The following PDE4D variants were observed in gnomAD, a reference collection of about 807,000 sequenced individuals.
PDE4D encodes the protein 3',5'-cyclic-AMP phosphodiesterase 4D.
A neutral mutation model predicts 87.4 loss-of-function variants in PDE4D; 24 were observed. The observed-to-expected ratio is 0.27, with a 90% CI of 0.20 to 0.39. The LOEUF (loss-of-function observed/expected upper bound fraction) is 0.39, where lower values mean the gene tolerates loss of function less well. Ranked by LOEUF, PDE4D falls within the 10% of genes least tolerant of loss-of-function variation. PDE4D has a pLI of 1.00. For synonymous variants in PDE4D, 384 were observed against 383.2 expected (o/e 1.00, Z -0.02); for missense variants, 714 against 1,041.0 (o/e 0.69, Z 4.32).
At chr5:59,262,673 G>C (rs542425067) in intron 1 of PDE4D, among the ~76,000 whole-genome samples, 1 of 151,910 alleles carries the variant, frequency 6.6e-6, no homozygotes, top group South Asian at 2.1e-4. Context: ...TGTGACAACT[G>C]TGTGGGGTTT....
At chr5:59,752,684 G>A (rs1446719456) in intron 1 of PDE4D, among the ~76,000 whole-genome samples, 1 of 152,100 alleles carries the variant, frequency 6.6e-6, no homozygotes, top group Non-Finnish European at 1.5e-5. Flanking sequence ...GTGGGCAGTG[G>A]CCAGGGATGT....
chr5:59,928,421 T>C (rs1168983031), intron 3 of PDE4D, among the ~76,000 whole-genome samples: 1 of 151,642 alleles, frequency 6.6e-6, no homozygotes, highest in Non-Finnish European at 1.5e-5. Flanking sequence ...CTACCGAAAA[T>C]ACAAAAATTA....
intron 1 of PDE4D, among the ~76,000 whole-genome samples, chr5:60,272,446 A>G (rs926290911): frequency 6.6e-5 from 10 of 152,236 alleles, no homozygotes; most frequent in Non-Finnish European, 4.4e-5. Context: ...GTTTCCATCA[A>G]AGTTAGTTCT....
At chr5:59,415,272 G>T (rs748113225) in intron 1 of PDE4D, among the ~76,000 whole-genome samples, 63 of 152,086 alleles carry the variant, frequency 4.1e-4, no homozygotes, top group Admixed American at 7.9e-4. Flanking sequence ...GAAAAATACG[G>T]GATTTTCTTC....
At chr5:60,348,224 T>C (rs1758892217) in intron 1 of PDE4D, among the ~76,000 whole-genome samples, 1 of 152,106 alleles carries the variant, frequency 6.6e-6, no homozygotes, top group Non-Finnish European at 1.5e-5. Flanking sequence ...TCCTTTCAGT[T>C]AGCAAACAAG....
At chr5:59,195,634 G>A (rs777090255) in intron 2 of PDE4D, among the ~76,000 whole-genome samples, 19 of 152,216 alleles carry the variant, frequency 1.2e-4, no homozygotes, top group Admixed American at 8.5e-4. Context: ...TACTAGGTGT[G>A]TGAAATTGTG....
intron 1 of PDE4D, among the ~76,000 whole-genome samples, chr5:60,227,688 A>C (rs1745290345): frequency 6.6e-6 from 1 of 151,806 alleles, no homozygotes; most frequent in Non-Finnish European, 1.5e-5. Context: ...CTTTTGTAAA[A>C]ACCTCCTAAT....
chr5:59,201,375 G>C (rs1446789430), intron 2 of PDE4D, among the ~76,000 whole-genome samples: 1 of 151,934 alleles, frequency 6.6e-6, no homozygotes, highest in African/African-American at 2.4e-5. Flanking sequence ...TGACTACCAA[G>C]AAAATTTTGC....
intron 2 of PDE4D, among the ~76,000 whole-genome samples, chr5:60,070,915 T>C (rs867839515): frequency 1.2e-4 from 18 of 152,098 alleles, no homozygotes; most frequent in Admixed American, 3.9e-4. Flanking sequence ...CGGTTGATTG[T>C]ATGTTTCTAG....
intron 1 of PDE4D, among the ~76,000 whole-genome samples, chr5:59,545,582 T>C (rs1285718563): frequency 6.6e-6 from 1 of 152,198 alleles, no homozygotes; most frequent in Non-Finnish European, 1.5e-5. Flanking sequence ...GTATTAAATA[T>C]GAATGAGCAT....
chr5:60,388,513 G>A (rs898813844), intron 1 of PDE4D, among the ~76,000 whole-genome samples: 1 of 152,118 alleles, frequency 6.6e-6, no homozygotes, highest in Admixed American at 6.5e-5. Context: ...CCTCACTGGT[G>A]TATATTGTTC....
At chr5:59,224,598 T>G (rs927791410) in intron 1 of PDE4D, among the ~76,000 whole-genome samples, 27 of 152,208 alleles carry the variant, frequency 1.8e-4, no homozygotes, top group African/African-American at 6.3e-4. Context: ...TGTTATGGAC[T>G]GAATCTTGTT....
At chr5:59,490,473 G>T (rs1220808546) in intron 1 of PDE4D, among the ~76,000 whole-genome samples, 1 of 151,994 alleles carries the variant, frequency 6.6e-6, no homozygotes, top group Non-Finnish European at 1.5e-5. Flanking sequence ...AGATGAAGCT[G>T]GAGACATAAA....
chr5:60,020,298 T>C (rs562639847), intron 2 of PDE4D, among the ~76,000 whole-genome samples: 4 of 152,054 alleles, frequency 2.6e-5, no homozygotes, highest in Non-Finnish European at 5.9e-5. Context: ...ATAATGATAA[T>C]GAAAAAGTTT....
intron 1 of PDE4D, among the ~76,000 whole-genome samples, chr5:59,488,635 C>T (rs1805598200): frequency 1.3e-5 from 2 of 150,040 alleles, no homozygotes; most frequent in Non-Finnish European, 3.0e-5. Context: ...TTCAATAGAA[C>T]AATAAACCTT....
At chr5:59,498,978 T>C (rs955812112) in intron 1 of PDE4D, among the ~76,000 whole-genome samples, 7 of 152,236 alleles carry the variant, frequency 4.6e-5, no homozygotes, top group Middle Eastern at 3.4e-3. Flanking sequence ...TGCATTCTTC[T>C]CATCTGCACA....
At chr5:59,602,716 C>T (rs1315651169) in intron 1 of PDE4D, among the ~76,000 whole-genome samples, 2 of 152,014 alleles carry the variant, frequency 1.3e-5, no homozygotes, top group Admixed American at 1.3e-4. Context: ...CCACAAAAGA[C>T]ATTAAATATC....
intron 1 of PDE4D, among the ~76,000 whole-genome samples, chr5:59,575,264 A>G (rs1368812217): frequency 1.3e-5 from 2 of 152,226 alleles, no homozygotes; most frequent in African/African-American, 2.4e-5. Flanking sequence ...AGACCACATC[A>G]TGTACTGTGA....
chr5:59,090,352 T>C (rs887774413), intron 5 of PDE4D, among the ~76,000 whole-genome samples: 1 of 152,126 alleles, frequency 6.6e-6, no homozygotes, highest in African/African-American at 2.4e-5. Context: ...GAATACAACC[T>C]GAATTCTGTT....
Sources: allele counts gnomAD v4.1 joint callset (sites outside exome capture counted in the v4.1 genomes callset), GRCh38; gene constraint gnomAD v4.1.1; transcripts MANE v1.5; gene names NCBI Gene and HGNC (gene_info 2026-07-23, HGNC 2026-07-21).